SMIM14: variants seen among roughly 807,000 people sequenced by gnomAD.
SMIM14 encodes small integral membrane protein 14, also known as chromosome 4 open reading frame 34.
A neutral mutation model predicts 12.6 loss-of-function variants in SMIM14; 5 were observed. That is an observed-to-expected ratio of 0.40 (90% CI 0.21 to 0.83). The LOEUF (loss-of-function observed/expected upper bound fraction) is 0.83, where lower values mean the gene tolerates loss of function less well. SMIM14 is among the 40% of genes least tolerant of loss of function. The pLI is 0.37. For missense variants in SMIM14, 86 were observed against 119.1 expected, an observed-to-expected ratio of 0.72 and a Z score of 1.29; for synonymous variants, 30 against 40.1, an observed-to-expected ratio of 0.75 and a Z score of 0.95.
intron 2 of SMIM14, among the ~76,000 whole-genome samples, chr4:39,574,338 C>A (rs1001283676): frequency 6.6e-6 from 1 of 151,302 alleles, no homozygotes; most frequent in East Asian, 2.0e-4. Flanking sequence ...ACTGCAACCT[C>A]TGCCTCCCGG....
At chr4:39,581,383 T>C (rs2110022291) in intron 2 of SMIM14, among the ~76,000 whole-genome samples, 1 of 152,248 alleles carries the variant, frequency 6.6e-6, no homozygotes, top group South Asian at 2.1e-4. Context: ...TACTTTTGCT[T>C]TTGTTTTTGC....
chr4:39,615,565 A>G (rs751955129), intron 1 of SMIM14, among the ~76,000 whole-genome samples: 4 of 152,214 alleles, frequency 2.6e-5, no homozygotes, highest in Non-Finnish European at 5.9e-5. Flanking sequence ...CGTTGACTAT[A>G]TAACAAAGTT....
At chr4:39,589,646 C>T (rs1713957671) in intron 2 of SMIM14, 1 of 152,152 alleles carries the variant, frequency 6.6e-6, no homozygotes, top group Non-Finnish European at 1.5e-5. Flanking sequence ...AGCAGAACAA[C>T]AGGAGAAGAC....
intron 2 of SMIM14, among the ~76,000 whole-genome samples, chr4:39,586,802 G>A (rs1336188343): frequency 2.6e-5 from 4 of 151,940 alleles, no homozygotes; most frequent in African/African-American, 9.7e-5. Context: ...AAATACTATG[G>A]GCCAGGTAGC....
chr4:39,621,807 G>A (rs578175019), intron 1 of SMIM14, among the ~76,000 whole-genome samples: 50 of 145,580 alleles, frequency 3.4e-4, no homozygotes, highest in Middle Eastern at 3.7e-3. Flanking sequence ...ATCCCATCCC[G>A]AGTGGCTGGG....
intron 3 of SMIM14, among the ~76,000 whole-genome samples, chr4:39,562,823 T>TTTTTTTTTTTTTTTTTTTTTTTTTG (rs1553861780): frequency 3.3e-5 from 5 of 150,060 alleles, no homozygotes; most frequent in African/African-American, 1.0e-4. Context: ...TTTGTATTTT[T>TTTTTTTTTTTTTTTTTTTTTTTTTG]AGTAGAGACG....
At chr4:39,630,224 C>T (rs1055250969) in intron 1 of SMIM14, among the ~76,000 whole-genome samples, 16 of 151,874 alleles carry the variant, frequency 1.1e-4, no homozygotes, top group African/African-American at 1.7e-4. Flanking sequence ...GTGGTGAAAC[C>T]GTCTCTACAA....
chr4:39,572,433 T>C lies in SMIM14; in HGVS notation c.106A>G (p.Thr36Ala), dbSNP rs1206503208. 4 of 1,611,730 alleles carry C rather than the reference T, an allele frequency of 2.5e-6. No homozygotes were observed. In the Admixed American group the frequency reaches 5.0e-5, roughly 20 times the overall value. The change falls in exon 3 of 5, where the codon ACA (threonine) becomes GCA (alanine). Residue 36 changes from threonine (T) to alanine (A), a missense_variant. Coordinates refer to ENST00000295958, the MANE Select transcript of SMIM14 (RefSeq NM_174921.3). ...TACTTACATTCCTGAAGACACTCTG[T>C]GTCTGTGCAGTAGGACTGGGACTGC... ...LRQSQSYCTD[T>A]ECLQELPGPS...
chr4:39,629,243 C>T (rs1409438138), intron 1 of SMIM14, among the ~76,000 whole-genome samples: 1 of 150,946 alleles, frequency 6.6e-6, no homozygotes, highest in Non-Finnish European at 1.5e-5. Context: ...CATCTGTAAT[C>T]CCAGCTACTT....
chr4:39,632,585 G>A (rs1198874951), intron 1 of SMIM14, among the ~76,000 whole-genome samples: 3 of 151,954 alleles, frequency 2.0e-5, no homozygotes, highest in African/African-American at 7.2e-5. Flanking sequence ...CATGAGCTCA[G>A]GAGTTCGAGA....
intron 2 of SMIM14, among the ~76,000 whole-genome samples, chr4:39,589,225 T>TA (rs1444824149): frequency 5.3e-5 from 8 of 152,162 alleles, no homozygotes; most frequent in African/African-American, 1.7e-4. Context: ...TAGCTGGAAT[T>TA]ACAGGTGCCC....
At chr4:39,599,018 T>C (rs1714490519) in intron 2 of SMIM14, among the ~76,000 whole-genome samples, 2 of 152,238 alleles carry the variant, frequency 1.3e-5, no homozygotes, top group African/African-American at 4.8e-5. Context: ...TATGCCTTCA[T>C]TTCGGTGAAA....
At chr4:39,567,077 A>C (rs768617407) in intron 3 of SMIM14, among the ~76,000 whole-genome samples, 5 of 139,876 alleles carry the variant, frequency 3.6e-5, no homozygotes, top group African/African-American at 5.3e-5. Flanking sequence ...TGGAGGTTGT[A>C]GTAAGCCGAG....
Position 39,605,326 on chromosome 4 carries a change from T to G in SMIM14, c.-35-146A>C, listed in dbSNP as rs1465288233. 1.2e-5 allele frequency: 6 copies of G among 512,982 alleles called. No individual in the cohort carries two copies. In the East Asian group the frequency reaches 2.0e-4, roughly 17 times the overall value. 31.8% of individuals were successfully genotyped at this position (512,982 alleles called of 1,614,324 possible). On this transcript the variant is annotated intron_variant, in intron 1 of 4. Coordinates refer to ENST00000295958, the MANE Select transcript of SMIM14 (RefSeq NM_174921.3). ...TTATTGACTTGTATCTATTAATTTA[T>G]TATTAATCTTATATGAATTATGAAT...
At chr4:39,574,842 TCCTGTTTGGAG>T (rs1393848033) in intron 2 of SMIM14, among the ~76,000 whole-genome samples, 1 of 152,056 alleles carries the variant, frequency 6.6e-6, no homozygotes, top group Non-Finnish European at 1.5e-5. Flanking sequence ...CTAAAAGTAG[TCCTGTTTGGAG>T]CCAGGCCCGG....
intron 1 of SMIM14, among the ~76,000 whole-genome samples, chr4:39,619,295 T>C (rs1227464242): frequency 4.0e-4 from 34 of 84,266 alleles, no homozygotes; most frequent in African/African-American, 1.7e-3. Context: ...TCAATAAATA[T>C]AATTTATTCT....
At chr4:39,606,886 G>C (rs1714833815) in intron 1 of SMIM14, among the ~76,000 whole-genome samples, 1 of 152,136 alleles carries the variant, frequency 6.6e-6, no homozygotes, top group Non-Finnish European at 1.5e-5. Context: ...CATCCAACTG[G>C]ACTGGTAGAG....
At chr4:39,554,116 A>G (rs1711878613) in intron 4 of SMIM14, among the ~76,000 whole-genome samples, 1 of 152,200 alleles carries the variant, frequency 6.6e-6, no homozygotes, top group African/African-American at 2.4e-5. Context: ...GAAAAGAAAC[A>G]ATTATTTTAG....
chr4:39,608,492 T>A (rs547540193), intron 1 of SMIM14, among the ~76,000 whole-genome samples: 1 of 152,348 alleles, frequency 6.6e-6, no homozygotes, highest in African/African-American at 2.4e-5. Flanking sequence ...TCTGATATGT[T>A]ACAACATGAA....
Sources: gnomAD v4.1 joint callset for allele counts (sites outside exome capture counted in the v4.1 genomes callset) on GRCh38, gnomAD v4.1.1 for gene constraint, MANE v1.5 for transcripts, NCBI Gene and HGNC (gene_info 2026-07-23, HGNC 2026-07-21) for gene names.